Variants in ANK3 observed in about 807,000 individuals in gnomAD.
ANK3 encodes ankyrin 3.
Under a neutral mutation model 370.9 loss-of-function variants are expected in ANK3, and 57 were observed. The ratio of observed to expected loss-of-function variants is 0.15; its 90% CI spans 0.12 to 0.19. The LOEUF (loss-of-function observed/expected upper bound fraction) is 0.19, where lower values mean the gene tolerates loss of function less well. Among genes scored for constraint, ANK3 ranks in the 10% least tolerant of loss-of-function variants. ANK3 has a pLI of 1.00. For missense variants in ANK3, 4,439 were observed against 5,302.1 expected, an observed-to-expected ratio of 0.84 and a Z score of 5.06; for synonymous variants, 1,929 against 1,946.3, an observed-to-expected ratio of 0.99 and a Z score of 0.23.
intron 2 of ANK3, among the ~76,000 whole-genome samples, chr10:60,516,090 A>G (rs891915996): frequency 1.3e-3 from 205 of 152,128 alleles, no homozygotes; most frequent in African/African-American, 4.6e-3. Context: ...TTTATAGGGG[A>G]TAGAATAATG....
At chr10:60,612,727 G>A (rs1486376317) in intron 2 of ANK3, among the ~76,000 whole-genome samples, 2 of 152,022 alleles carry the variant, frequency 1.3e-5, no homozygotes, top group Admixed American at 6.6e-5. Flanking sequence ...TCCTGACCTC[G>A]TGATCCACCC....
At chr10:60,625,841 T>C (rs1482513230) in intron 1 of ANK3, among the ~76,000 whole-genome samples, 2 of 152,166 alleles carry the variant, frequency 1.3e-5, no homozygotes. Flanking sequence ...AATTAGGATA[T>C]TTTGACCCTA....
chr10:60,625,991 G>C (rs770267180), intron 1 of ANK3, among the ~76,000 whole-genome samples: 9 of 151,774 alleles, frequency 5.9e-5, no homozygotes, highest in Non-Finnish European at 1.0e-4. Context: ...GGAAAATAAG[G>C]GTTCTTATAT....
At chr10:60,296,162 A>C (rs994118823) in intron 1 of ANK3, among the ~76,000 whole-genome samples, 4 of 152,244 alleles carry the variant, frequency 2.6e-5, no homozygotes, top group Non-Finnish European at 5.9e-5. Flanking sequence ...CTTTTCTGCT[A>C]CCTTGCTTTA....
chr10:60,571,082 T>C (rs2077586217), intron 2 of ANK3, among the ~76,000 whole-genome samples: 1 of 142,574 alleles, frequency 7.0e-6, no homozygotes, highest in African/African-American at 2.5e-5. Context: ...TTGAGACCAG[T>C]GCCACTATGC....
At chr10:60,512,564 G>A (rs928929348) in intron 2 of ANK3, among the ~76,000 whole-genome samples, 3 of 152,092 alleles carry the variant, frequency 2.0e-5, no homozygotes, top group African/African-American at 4.8e-5. Context: ...GCAGTGCAAG[G>A]AAAACGATTT....
At chr10:60,318,477 A>T (rs1466484894) in intron 1 of ANK3, among the ~76,000 whole-genome samples, 4 of 152,188 alleles carry the variant, frequency 2.6e-5, no homozygotes, top group Non-Finnish European at 5.9e-5. Flanking sequence ...GCCAAAACCA[A>T]CAGAGCTCTG....
At chr10:60,560,337 A>G (rs893816002) in intron 2 of ANK3, among the ~76,000 whole-genome samples, 4 of 152,212 alleles carry the variant, frequency 2.6e-5, no homozygotes, top group African/African-American at 9.6e-5. Flanking sequence ...TCTATGAAAG[A>G]CAGTGAAAAC....
chr10:60,643,519 T>C (rs1009901727), intron 1 of ANK3, among the ~76,000 whole-genome samples: 1 of 151,746 alleles, frequency 6.6e-6, no homozygotes, highest in Admixed American at 6.6e-5. Flanking sequence ...TATCTATCTA[T>C]CTATCTATCT....
At chr10:60,562,215 T>C (rs1349641584) in intron 2 of ANK3, among the ~76,000 whole-genome samples, 1 of 152,214 alleles carries the variant, frequency 6.6e-6, no homozygotes, top group Non-Finnish European at 1.5e-5. Flanking sequence ...ATGAAAGTTT[T>C]AAGGTTGTCT....
At position 60,200,030 on chromosome 10, in the gene ANK3, T is replaced by A. The variant is rs186836208; in HGVS notation, c.1491+99A>T. 8.4e-4 allele frequency: 715 copies of A among 847,040 alleles called. 7 individuals are homozygous for A. In the African/African-American group the frequency reaches 0.011, roughly 13 times the overall value. The allele number at this position is 847,040 out of a possible 1,614,324, so 52.5% of individuals were successfully genotyped here. ...ATCATTGGAGGTTTTTCAATATTTTTAAAGTATTCTTGAAAGACTGCATGT... is the reference window on the plus strand; with the variant it reads ...ATCATTGGAGGTTTTTCAATATTTTAAAAGTATTCTTGAAAGACTGCATGT... On this transcript the variant is annotated intron_variant, in intron 13 of 43. Coordinates refer to ENST00000280772, the MANE Select transcript of ANK3 (RefSeq NM_020987.5).
At chr10:60,592,322 A>T (rs1484500778) in intron 2 of ANK3, among the ~76,000 whole-genome samples, 2 of 152,216 alleles carry the variant, frequency 1.3e-5, no homozygotes, top group African/African-American at 4.8e-5. Context: ...TTGATTTCAG[A>T]TTATAGAATG....
At chr10:60,526,738 G>T (rs1329686604) in intron 2 of ANK3, among the ~76,000 whole-genome samples, 1 of 152,088 alleles carries the variant, frequency 6.6e-6, no homozygotes, top group Non-Finnish European at 1.5e-5. Context: ...GGTATATTTA[G>T]AAAAAGACTA....
At chr10:60,667,011 A>G (rs80334435) in intron 1 of ANK3, among the ~76,000 whole-genome samples, 2 of 152,090 alleles carry the variant, frequency 1.3e-5, no homozygotes, top group South Asian at 2.1e-4. Context: ...AATTCTTCAT[A>G]TAAGTATGTC....
At chr10:60,520,906 T>G (rs1000937197) in intron 2 of ANK3, among the ~76,000 whole-genome samples, 1 of 151,308 alleles carries the variant, frequency 6.6e-6, no homozygotes, top group African/African-American at 2.4e-5. Flanking sequence ...TCAAAAGTCC[T>G]AATCATTTTT....
At chr10:60,445,850 G>T (rs1413818326) in intron 2 of ANK3, among the ~76,000 whole-genome samples, 1 of 152,112 alleles carries the variant, frequency 6.6e-6, no homozygotes, top group East Asian at 1.9e-4. Context: ...CAAAAATACA[G>T]ACAATGAAAG....
chr10:60,100,393 A>C (rs930107947), intron 28 of ANK3, among the ~76,000 whole-genome samples: 1 of 152,014 alleles, frequency 6.6e-6, no homozygotes, highest in Non-Finnish European at 1.5e-5. Context: ...ATCAGTGCTC[A>C]ACTGCTTCTA....
At chr10:60,678,381 T>C (rs1250609830) in intron 1 of ANK3, among the ~76,000 whole-genome samples, 3 of 152,090 alleles carry the variant, frequency 2.0e-5, no homozygotes, top group African/African-American at 4.8e-5. Flanking sequence ...TTTCAAAACA[T>C]TGGGTCAGGG....
intron 7 of ANK3, among the ~76,000 whole-genome samples, chr10:60,242,615 T>G (rs974069517): frequency 1.3e-5 from 2 of 152,190 alleles, no homozygotes; most frequent in Non-Finnish European, 2.9e-5. Context: ...CCCACTTTCA[T>G]GAGAGCTGAT....
Sources: gnomAD v4.1 joint callset for allele counts (sites outside exome capture counted in the v4.1 genomes callset) on GRCh38, gnomAD v4.1.1 for gene constraint, MANE v1.5 for transcripts, NCBI Gene and HGNC (gene_info 2026-07-23, HGNC 2026-07-21) for gene names.